The following NRXN3 variants were observed in gnomAD, a reference collection of about 807,000 sequenced individuals.
NRXN3 encodes the protein neurexin 3, also known as neurexin III.
Under a neutral mutation model 137.6 loss-of-function variants are expected in NRXN3, and 32 were observed. That is an observed-to-expected ratio of 0.23 (90% CI 0.18 to 0.31). NRXN3 has a LOEUF of 0.31. NRXN3 is among the 10% of genes least tolerant of loss of function. NRXN3 has a pLI of 1.00. For synonymous variants in NRXN3, 798 were observed against 784.5 expected (o/e 1.02, Z -0.29); for missense variants, 1,574 against 2,062.5 (o/e 0.76, Z 4.59).
At chr14:78,689,062 G>A (rs911903455) in intron 6 of NRXN3, among the ~76,000 whole-genome samples, 2 of 152,092 alleles carry the variant, frequency 1.3e-5, no homozygotes, top group Non-Finnish European at 2.9e-5. Context: ...TCTAAGAACT[G>A]TGGAATAAAG....
At chr14:79,674,227 A>C (rs577816571) in intron 17 of NRXN3, among the ~76,000 whole-genome samples, 1 of 152,198 alleles carries the variant, frequency 6.6e-6, no homozygotes, top group Non-Finnish European at 1.5e-5. Flanking sequence ...TCATTGAGGA[A>C]ATTAATGACC....
chr14:78,733,501 G>T (rs925374165), intron 8 of NRXN3, among the ~76,000 whole-genome samples: 3 of 152,154 alleles, frequency 2.0e-5, no homozygotes, highest in African/African-American at 7.2e-5. Flanking sequence ...CTAATGTCAA[G>T]GAATCAGTGA....
At position 78,966,097 on chromosome 14, in the gene NRXN3, A is replaced by G; in HGVS notation, c.2468A>G (p.Tyr823Cys). 6.2e-7 allele frequency: 1 copy of G among 1,614,204 alleles called. No homozygotes were observed. ...ACGGGAATCATGACTGAGAAACGCTACATCTCCGTTGTCCCCTCCAGCTTT... is the reference window on the plus strand; with the variant it reads ...ACGGGAATCATGACTGAGAAACGCTGCATCTCCGTTGTCCCCTCCAGCTTT... Reference protein sequence around the residue: ...IETGIMTEKRYISVVPSSFIG... With the variant: ...IETGIMTEKRCISVVPSSFIG... Residue 823 changes from tyrosine (Y) to cysteine (C), a missense_variant, in exon 12 of 21, where the codon TAC becomes TGC. This residue lies in a region of NRXN3 where 718 missense variants were observed against 887.6 expected (regional missense o/e 0.81). Coordinates refer to ENST00000335750, the MANE Select transcript of NRXN3 (RefSeq NM_001330195.2).
chr14:78,769,784 G>A (rs983280935), intron 8 of NRXN3, among the ~76,000 whole-genome samples: 1 of 152,188 alleles, frequency 6.6e-6, no homozygotes, highest in African/African-American at 2.4e-5. Context: ...AGGTAGGCAT[G>A]GGAGGCAGTA....
chr14:78,603,603 T>C (rs1396183658), intron 4 of NRXN3, among the ~76,000 whole-genome samples: 1 of 152,252 alleles, frequency 6.6e-6, no homozygotes, highest in Non-Finnish European at 1.5e-5. Flanking sequence ...CTCTAAACAG[T>C]TATAATTAGA....
chr14:79,663,228 G>A (rs2098542531), intron 16 of NRXN3, among the ~76,000 whole-genome samples: 1 of 151,334 alleles, frequency 6.6e-6, no homozygotes, highest in Admixed American at 6.6e-5. Flanking sequence ...ACCATTATGT[G>A]CATGTGTGTG....
rs749911256 is a variant in NRXN3 at position 78,645,382 on chromosome 14, C to A, written c.1020C>A (p.Asn340Lys). ...CAGTGAATGGAAAATTCAACGACAA[C>A]GCCTGGCATGATGTCAAAGTGACAC... ...VEPVNGKFND[N>K]AWHDVKVTRN... Residue 340 changes from asparagine (N) to lysine (K), a missense_variant, in exon 5 of 21, where the codon AAC becomes AAA. Coordinates refer to ENST00000335750, the MANE Select transcript of NRXN3 (RefSeq NM_001330195.2). The A allele has an allele frequency of 1.3e-6, 2 of 1,596,092 alleles. No homozygotes were observed. Among genetic ancestry groups the A allele is most frequent in the Middle Eastern group, 1.7e-4 (1 of 6,042 alleles).
chr14:79,731,766 G>T (rs539586432), intron 19 of NRXN3, among the ~76,000 whole-genome samples: 1 of 151,370 alleles, frequency 6.6e-6, no homozygotes, highest in African/African-American at 2.4e-5. Flanking sequence ...TTACAGGCGT[G>T]AGCCACTGAG....
At chr14:78,215,092 A>C (rs2153417015) in intron 1 of NRXN3, among the ~76,000 whole-genome samples, 1 of 152,296 alleles carries the variant, frequency 6.6e-6, no homozygotes, top group Non-Finnish European at 1.5e-5. Context: ...TACAAATGTC[A>C]ATACTGTGCC....
At chr14:79,795,614 A>G (rs1568279792) in intron 19 of NRXN3, among the ~76,000 whole-genome samples, 2 of 152,116 alleles carry the variant, frequency 1.3e-5, no homozygotes, top group Non-Finnish European at 2.9e-5. Flanking sequence ...TCCCTATTTT[A>G]TTAAGTCCAG....
At chr14:79,112,057 C>T (rs139722494) in intron 15 of NRXN3, among the ~76,000 whole-genome samples, 1 of 152,298 alleles carries the variant, frequency 6.6e-6, no homozygotes, top group East Asian at 1.9e-4. Context: ...ATATAGTCCA[C>T]TTCTGAGTAA....
intron 15 of NRXN3, among the ~76,000 whole-genome samples, chr14:79,005,689 C>T (rs189610786): frequency 1.2e-3 from 181 of 152,280 alleles, no homozygotes; most frequent in Admixed American, 2.2e-3. Flanking sequence ...GCTTACCTTC[C>T]TTACCTTGTT....
chr14:79,063,702 C>A (rs1051031060), intron 15 of NRXN3, among the ~76,000 whole-genome samples: 1 of 152,050 alleles, frequency 6.6e-6, no homozygotes, highest in Non-Finnish European at 1.5e-5. Flanking sequence ...TTTTTTAATA[C>A]AAGCCGAGGA....
chr14:78,897,216 T>C lies in NRXN3; in HGVS notation c.2276-60026T>C, dbSNP rs181503984. Among the ~76,000 whole-genome samples the C allele has an allele frequency of 1.7e-4, 26 of 152,018 alleles. No individual in the cohort carries two copies. In the East Asian group the frequency reaches 4.7e-3, roughly 27 times the overall value. Reference sequence around the variant, plus strand: ...TGTTTGTTTGTGCCGTGATGGGCCATCCAAGATTGTAATGGGCGATCATTG... The same window carrying C: ...TGTTTGTTTGTGCCGTGATGGGCCACCCAAGATTGTAATGGGCGATCATTG... On this transcript the variant is annotated intron_variant, in intron 10 of 20. Transcript: ENST00000335750.
At chr14:78,731,629 C>G (rs4903792) in intron 8 of NRXN3, among the ~76,000 whole-genome samples, 9 of 146,332 alleles carry the variant, frequency 6.2e-5, no homozygotes, top group Admixed American at 3.4e-4. Flanking sequence ...GTGTGTGTGT[C>G]TCTGTGTGTG....
chr14:78,814,007 A>G (rs1449724381), intron 10 of NRXN3, among the ~76,000 whole-genome samples: 1 of 151,924 alleles, frequency 6.6e-6, no homozygotes, highest in African/African-American at 2.4e-5. Context: ...GTCTTTCCTC[A>G]TGGTATCTAT....
intron 19 of NRXN3, among the ~76,000 whole-genome samples, chr14:79,755,322 A>G (rs2099015613): frequency 6.6e-6 from 1 of 152,002 alleles, no homozygotes; most frequent in African/African-American, 2.4e-5. Flanking sequence ...TGTTTTTTGA[A>G]TCTACGGTTT....
intron 10 of NRXN3, among the ~76,000 whole-genome samples, chr14:78,877,386 GC>G (rs1334194571): frequency 6.6e-6 from 1 of 152,100 alleles, no homozygotes; most frequent in East Asian, 1.9e-4. Flanking sequence ...CTTCTCTGAA[GC>G]TTTCCCTGAC....
At chr14:79,325,250 A>G (rs1306654071) in intron 15 of NRXN3, among the ~76,000 whole-genome samples, 1 of 151,920 alleles carries the variant, frequency 6.6e-6, no homozygotes, top group Non-Finnish European at 1.5e-5. Flanking sequence ...TGGAGTTCTG[A>G]TGGGAAAGAT....
Sources: allele counts gnomAD v4.1 joint callset (sites outside exome capture counted in the v4.1 genomes callset), GRCh38; gene constraint gnomAD v4.1.1; regional missense constraint gnomAD v4.1.1; transcripts MANE v1.5; gene names NCBI Gene and HGNC (gene_info 2026-07-23, HGNC 2026-07-21).